The following EYS variants were observed in gnomAD, a reference collection of about 807,000 sequenced individuals.
The protein encoded by EYS is protein eyes shut homolog.
EYS carries 250 observed loss-of-function variants against 282.1 expected under a neutral mutation model. That is an observed-to-expected ratio of 0.89 (90% CI 0.80 to 0.98). The LOEUF (loss-of-function observed/expected upper bound fraction) is 0.98. Among genes scored for constraint, EYS ranks in the 50% least tolerant of loss-of-function variants. The probability of loss-of-function intolerance (pLI) is 0.00; values close to 1 mark genes in which losing one functional copy is unlikely to be tolerated. For missense variants in EYS, 4,016 were observed against 3,709.0 expected (o/e 1.08, Z -2.15); for synonymous variants, 1,355 against 1,282.9 (o/e 1.06, Z -1.20).
chr6:64,869,117 T>C (rs1393739098), intron 19 of EYS, among the ~76,000 whole-genome samples: 2 of 151,538 alleles, frequency 1.3e-5, no homozygotes, highest in African/African-American at 2.4e-5. Flanking sequence ...TTATATTTTA[T>C]ATGAAAGGAT....
intron 33 of EYS, among the ~76,000 whole-genome samples, chr6:64,028,967 C>G (rs1769677531): frequency 6.6e-6 from 1 of 152,184 alleles, no homozygotes; most frequent in Non-Finnish European, 1.5e-5. Flanking sequence ...CTTATCCTCA[C>G]CCTAAGACAT....
intron 12 of EYS, among the ~76,000 whole-genome samples, chr6:65,059,539 A>T (rs1423260566): frequency 1.3e-5 from 2 of 152,104 alleles, no homozygotes; most frequent in African/African-American, 4.8e-5. Context: ...CTTCAAAGGG[A>T]TGGCTCCCAG....
At chr6:64,387,513 T>C (rs1772952226) in intron 29 of EYS, among the ~76,000 whole-genome samples, 1 of 152,130 alleles carries the variant, frequency 6.6e-6, no homozygotes, top group Non-Finnish European at 1.5e-5. Context: ...TTATGAAAGG[T>C]TTTATTTATG....
chr6:63,885,801 T>G (rs1773247887), intron 35 of EYS, among the ~76,000 whole-genome samples: 1 of 152,094 alleles, frequency 6.6e-6, no homozygotes. Flanking sequence ...TTGACCCAAT[T>G]CGGGACTAAA....
At chr6:65,491,191 C>G (rs763914916) in intron 4 of EYS, among the ~76,000 whole-genome samples, 12 of 151,820 alleles carry the variant, frequency 7.9e-5, no homozygotes, top group Non-Finnish European at 1.6e-4. Context: ...AAATTCAACA[C>G]TTCTTTGCAC....
In EYS at chr6:64,037,767, T is replaced by G. The variant is rs542450641; in HGVS notation, c.6725+28571A>C. The stretch of plus-strand genomic sequence containing the variant: ...CTGTCATTATTTCTGATTTTTCACC[T>G]CCTCCTAAAATCATTAATAGGGTAC... On this transcript the variant is annotated intron_variant, in intron 33 of 42. Coordinates refer to ENST00000503581, the MANE Select transcript of EYS (RefSeq NM_001142800.2). Among the ~76,000 whole-genome samples, 64 of 152,358 alleles carry G rather than the reference T, an allele frequency of 4.2e-4. 1 individual carries two copies. The highest frequency in any genetic ancestry group is 4.1e-3 in the Admixed American group (62 of 15,298).
intron 1 of EYS, among the ~76,000 whole-genome samples, chr6:65,671,043 C>T (rs1163057344): frequency 6.6e-6 from 1 of 151,654 alleles, no homozygotes; most frequent in African/African-American, 2.4e-5. Context: ...TGAGATAGTC[C>T]TTATTGTAGT....
At chr6:64,759,005 G>A (rs896668820) in intron 22 of EYS, among the ~76,000 whole-genome samples, 1 of 152,150 alleles carries the variant, frequency 6.6e-6, no homozygotes, top group Non-Finnish European at 1.5e-5. Flanking sequence ...CAGACGTGAT[G>A]GCGGGCGCCT....
chr6:64,269,752 TTTAAA>T (rs1447801902), intron 30 of EYS, among the ~76,000 whole-genome samples: 1 of 152,086 alleles, frequency 6.6e-6, no homozygotes, highest in African/African-American at 2.4e-5. Context: ...GTTTTTAATC[TTTAAA>T]TTATATGGTT....
chr6:64,659,479 A>T (rs1236309204), intron 22 of EYS, among the ~76,000 whole-genome samples: 1 of 151,954 alleles, frequency 6.6e-6, no homozygotes, highest in Non-Finnish European at 1.5e-5. Flanking sequence ...CAAAATTGAT[A>T]GACCTTTAGC....
chr6:64,210,545 A>C (rs1479574853), intron 31 of EYS, among the ~76,000 whole-genome samples: 2 of 152,156 alleles, frequency 1.3e-5, no homozygotes, highest in African/African-American at 4.8e-5. Flanking sequence ...TTAATGCCCT[A>C]TCTCCAAATA....
intron 28 of EYS, among the ~76,000 whole-genome samples, chr6:64,397,470 T>G (rs190701663): frequency 6.6e-6 from 1 of 152,064 alleles, no homozygotes; most frequent in Non-Finnish European, 1.5e-5. Flanking sequence ...ATGGATTACA[T>G]GTATTTAGTT....
At chr6:64,515,799 T>TA (rs201169262) in intron 26 of EYS, among the ~76,000 whole-genome samples, 14 of 150,760 alleles carry the variant, frequency 9.3e-5, no homozygotes, top group African/African-American at 2.7e-4. Context: ...GTTATTTAAA[T>TA]AAAAAAAAAC....
At chr6:64,865,299 A>C (rs7772101) in intron 19 of EYS, among the ~76,000 whole-genome samples, 1 of 152,112 alleles carries the variant, frequency 6.6e-6, no homozygotes, top group Non-Finnish European at 1.5e-5. Context: ...TGTTAAGAAA[A>C]TAAAAGAGAT....
chr6:64,159,748 T>C lies in EYS; in HGVS notation c.6424+70844A>G, dbSNP rs913049676. ...TTTTTTTCCGTTTAAGAAATTTTCT[T>C]TTATTCTGTGGCTCTTCTTTCCGTA... is the stretch of plus-strand genomic sequence containing the variant. On this transcript the variant is annotated intron_variant, in intron 31 of 42. Coordinates refer to ENST00000503581, the MANE Select transcript of EYS (RefSeq NM_001142800.2). Among the ~76,000 whole-genome samples the C allele has an allele frequency of 4.6e-5, 7 of 152,148 alleles. No homozygotes were observed. In the East Asian group the frequency reaches 7.7e-4, roughly 17 times the overall value.
chr6:65,206,587 T>C (rs2150249255), intron 12 of EYS, among the ~76,000 whole-genome samples: 1 of 151,762 alleles, frequency 6.6e-6, no homozygotes, highest in African/African-American at 2.4e-5. Context: ...CAAAAATAAC[T>C]ACAGACCATT....
At chr6:64,651,470 TAAAG>T (rs1768559036) in intron 22 of EYS, among the ~76,000 whole-genome samples, 1 of 151,862 alleles carries the variant, frequency 6.6e-6, no homozygotes, top group Non-Finnish European at 1.5e-5. Flanking sequence ...TGAAAGATAA[TAAAG>T]TAAAATAAAT....
rs563184908 is a variant in EYS at position 65,188,474 on chromosome 6, T to C, written c.2023+107389A>G. On this transcript the variant is annotated intron_variant, in intron 12 of 42. Transcript: ENST00000503581. ...TGAGATTCATGGTAGCTTAAATTTATCCAGGGAAAATATTTTACAATATGT... is the reference window on the plus strand; with the variant it reads ...TGAGATTCATGGTAGCTTAAATTTACCCAGGGAAAATATTTTACAATATGT... 9.9e-5 allele frequency among the ~76,000 whole-genome samples: 15 copies of C among 151,696 alleles called. 1 individual carries two copies. The South Asian group carries it at 2.9e-3, about 29-fold the overall frequency.
intron 36 of EYS, among the ~76,000 whole-genome samples, chr6:63,843,599 T>C (rs886352938): frequency 6.6e-6 from 1 of 152,142 alleles, no homozygotes; most frequent in Non-Finnish European, 1.5e-5. Flanking sequence ...ATGGAACGTA[T>C]CTCAAAATAA....
Sources: gnomAD v4.1 joint callset for allele counts (sites outside exome capture counted in the v4.1 genomes callset) on GRCh38, gnomAD v4.1.1 for gene constraint, MANE v1.5 for transcripts, NCBI Gene and HGNC (gene_info 2026-07-23, HGNC 2026-07-21) for gene names.